The following PTPRO variants were observed in gnomAD, a reference collection of about 807,000 sequenced individuals.
The protein encoded by PTPRO is protein tyrosine phosphatase receptor type O.
Under a neutral mutation model 145.2 loss-of-function variants are expected in PTPRO, and 62 were observed. That is an observed-to-expected ratio of 0.43 (90% CI 0.35 to 0.53). The LOEUF (loss-of-function observed/expected upper bound fraction) is 0.53. Ranked by LOEUF, PTPRO falls within the 20% of genes least tolerant of loss-of-function variation. The probability of loss-of-function intolerance (pLI) is 0.01; values close to 1 mark genes in which losing one functional copy is unlikely to be tolerated. For synonymous variants in PTPRO, 565 were observed against 514.7 expected, an observed-to-expected ratio of 1.10 and a Z score of -1.32; for missense variants, 1,345 against 1,482.7, an observed-to-expected ratio of 0.91 and a Z score of 1.53.
chr12:15,500,622 T>C (rs1437367170), intron 4 of PTPRO, among the ~76,000 whole-genome samples: 1 of 152,122 alleles, frequency 6.6e-6, no homozygotes, highest in Non-Finnish European at 1.5e-5. Flanking sequence ...GAGATAAATT[T>C]TTATTAGAAG....
chr12:15,448,152 C>T (rs1276342787), intron 1 of PTPRO, among the ~76,000 whole-genome samples: 1 of 151,706 alleles, frequency 6.6e-6, no homozygotes, highest in South Asian at 2.1e-4. Flanking sequence ...TATAAGATAT[C>T]AAAATGCCAA....
chr12:15,424,387 C>T (rs557836013), intron 1 of PTPRO, among the ~76,000 whole-genome samples: 1 of 151,844 alleles, frequency 6.6e-6, no homozygotes, highest in Non-Finnish European at 1.5e-5. Flanking sequence ...TATTAACTAC[C>T]ATGGAATCAA....
chr12:15,596,735 G>A lies in PTPRO; in HGVS notation c.*662G>A, dbSNP rs560251283. ...AGCTATAATTCAGCTTCAAAGTAGA[G>A]TAGAAAAAAAATTGTCTTAACTGTT... On this transcript the variant is annotated 3_prime_UTR_variant, in exon 27 of 27. Coordinates refer to ENST00000281171, the MANE Select transcript of PTPRO (RefSeq NM_030667.3). 1 of 152,144 alleles carries A rather than the reference G, an allele frequency of 6.6e-6. No individual in the cohort carries two copies. Among genetic ancestry groups the A allele is most frequent in the South Asian group, 2.1e-4 (1 of 4,802 alleles). 9.4% of individuals were successfully genotyped at this position (152,144 alleles called of 1,614,324 possible).
chr12:15,512,797 C>A (rs954405848), intron 7 of PTPRO, among the ~76,000 whole-genome samples: 2 of 152,008 alleles, frequency 1.3e-5, no homozygotes, highest in East Asian at 1.9e-4. Context: ...AGTTTGAGAC[C>A]AGCCTGACCA....
At chr12:15,441,647 CA>C (rs1940767721) in intron 1 of PTPRO, among the ~76,000 whole-genome samples, 1 of 152,004 alleles carries the variant, frequency 6.6e-6, no homozygotes, top group African/African-American at 2.4e-5. Context: ...CAAATAAGCA[CA>C]ATCAGAAATG....
At chr12:15,424,852 T>G (rs1479221347) in intron 1 of PTPRO, among the ~76,000 whole-genome samples, 1 of 152,098 alleles carries the variant, frequency 6.6e-6, no homozygotes, top group Non-Finnish European at 1.5e-5. Context: ...ATGGTGAAAG[T>G]TAGTTGGACC....
intron 12 of PTPRO, 84 bp from the exon 13 acceptor site, chr12:15,546,485 G>A (rs1943291584): frequency 6.5e-7 from 1 of 1,541,474 alleles, no homozygotes; most frequent in Admixed American, 2.0e-5. Flanking sequence ...TTTGAATTGG[G>A]GGATGCTTCA....
chr12:15,329,281 C>T (rs374453158), intron 1 of PTPRO, among the ~76,000 whole-genome samples: 11 of 152,282 alleles, frequency 7.2e-5, no homozygotes, highest in African/African-American at 1.7e-4. Flanking sequence ...CTTGGTTCCA[C>T]GCATAGGAAT....
intron 1 of PTPRO, among the ~76,000 whole-genome samples, chr12:15,419,059 G>T (rs887536745): frequency 2.6e-5 from 4 of 151,588 alleles, no homozygotes; most frequent in South Asian, 2.1e-4. Flanking sequence ...AGTCTTTCAA[G>T]TTACAGTACA....
chr12:15,539,701 G>T (rs983210843), intron 12 of PTPRO, among the ~76,000 whole-genome samples: 1 of 143,790 alleles, frequency 7.0e-6, no homozygotes, highest in East Asian at 2.1e-4. Context: ...GGCGGAGGTC[G>T]CTGTGAGCTG....
chr12:15,404,188 CAAAAAAAAAAA>C (rs370733389), intron 1 of PTPRO, among the ~76,000 whole-genome samples: 1 of 49,964 alleles, frequency 2.0e-5, no homozygotes, highest in African/African-American at 6.2e-5. Flanking sequence ...GACCCCATCT[CAAAAAAAAAAA>C]AAAAAAAAAA....
chr12:15,577,807 T>G (rs758752788), intron 19 of PTPRO, among the ~76,000 whole-genome samples: 6 of 152,160 alleles, frequency 3.9e-5, no homozygotes, highest in Non-Finnish European at 5.9e-5. Context: ...ATTGTACAAC[T>G]CCAGTGAACA....
intron 1 of PTPRO, among the ~76,000 whole-genome samples, chr12:15,366,077 AT>A (rs1938351649): frequency 1.3e-5 from 2 of 152,210 alleles, no homozygotes; most frequent in African/African-American, 4.8e-5. Context: ...ACACAAGATA[AT>A]AATGAGTAGG....
At chr12:15,331,743 G>T (rs944801851) in intron 1 of PTPRO, among the ~76,000 whole-genome samples, 1 of 152,178 alleles carries the variant, frequency 6.6e-6, no homozygotes, top group African/African-American at 2.4e-5. Flanking sequence ...CAATACTCTT[G>T]TATTGAATGT....
At chr12:15,541,371 T>C (rs569981917) in intron 12 of PTPRO, among the ~76,000 whole-genome samples, 1 of 152,352 alleles carries the variant, frequency 6.6e-6, no homozygotes, top group East Asian at 1.9e-4. Context: ...TATAGGGTTT[T>C]TTCATCCCTC....
At chr12:15,454,616 T>C (rs1192111547) in intron 1 of PTPRO, among the ~76,000 whole-genome samples, 1 of 152,216 alleles carries the variant, frequency 6.6e-6, no homozygotes, top group African/African-American at 2.4e-5. Context: ...TTTCCTTGTG[T>C]TGCCTATGTT....
intron 1 of PTPRO, among the ~76,000 whole-genome samples, chr12:15,343,604 C>T (rs1867084951): frequency 6.6e-6 from 1 of 152,126 alleles, no homozygotes; most frequent in African/African-American, 2.4e-5. Flanking sequence ...GGGAGAATCG[C>T]TTGAGCACAG....
chr12:15,408,378 G>A (rs1265266842), intron 1 of PTPRO, among the ~76,000 whole-genome samples: 1 of 152,098 alleles, frequency 6.6e-6, no homozygotes, highest in African/African-American at 2.4e-5. Context: ...TTTATGTCGT[G>A]TTGAGAAAGT....
rs1940186840 is a variant in PTPRO, at chr12:15,422,943, G to A, written c.76-61031G>A. ...GTCACATCTATCAATTTCTATGTATGTATTCCATTGTACATCCTCTCTCCC... is the reference window on the plus strand; with the variant it reads ...GTCACATCTATCAATTTCTATGTATATATTCCATTGTACATCCTCTCTCCC... On this transcript the variant is annotated intron_variant, in intron 1 of 26. Transcript: ENST00000281171. Among the ~76,000 whole-genome samples, 3 of 152,268 alleles carry A rather than the reference G, an allele frequency of 2.0e-5. No homozygotes were observed. The South Asian group carries it at 6.2e-4, about 32-fold the overall frequency.
Sources: gnomAD v4.1 joint callset for allele counts (sites outside exome capture counted in the v4.1 genomes callset) on GRCh38, gnomAD v4.1.1 for gene constraint, MANE v1.5 for transcripts, NCBI Gene and HGNC (gene_info 2026-07-23, HGNC 2026-07-21) for gene names.